Variants in ZFHX3 observed in about 807,000 individuals in gnomAD.
The protein encoded by ZFHX3 is zinc finger homeobox 3.
In ZFHX3, 42 loss-of-function variants were observed where a neutral mutation model predicts 279.1. The observed-to-expected ratio is 0.15, with a 90% CI of 0.12 to 0.19. The LOEUF (loss-of-function observed/expected upper bound fraction) is 0.19, where lower values mean the gene tolerates loss of function less well. ZFHX3 is among the 10% of genes least tolerant of loss of function. The pLI, the probability that ZFHX3 is intolerant of heterozygous loss-of-function variation, is 1.00. For missense variants in ZFHX3, 4,981 were observed against 4,754.0 expected (o/e 1.05, Z -1.40); for synonymous variants, 2,293 against 1,957.8 (o/e 1.17, Z -4.52).
chr16:73,235,872 T>C (rs1424814856), intron 5 of ZFHX3, among the ~76,000 whole-genome samples: 1 of 152,110 alleles, frequency 6.6e-6, no homozygotes, highest in Non-Finnish European at 1.5e-5. Context: ...GGTTTCACCA[T>C]GTTGCCCAGG....
chr16:73,456,115 G>C (rs1012471116), exon 3 of ZFHX3: 1 of 152,118 alleles, frequency 6.6e-6, no homozygotes, highest in Middle Eastern at 3.4e-3. Flanking sequence ...CGGGGCCAGC[G>C]GGCAGCAGAG....
chr16:73,049,333 C>G (rs1469843388), upstream of ZFHX3, among the ~76,000 whole-genome samples: 1 of 152,132 alleles, frequency 6.6e-6, no homozygotes, highest in Non-Finnish European at 1.5e-5. Flanking sequence ...TCCTCGGGCA[C>G]AATAATGAAC....
At chr16:72,892,226 G>T (rs777176007) in intron 3 of ZFHX3, among the ~76,000 whole-genome samples, 4 of 152,186 alleles carry the variant, frequency 2.6e-5, no homozygotes, top group Non-Finnish European at 5.9e-5. Context: ...AGCCCTCAAT[G>T]ACATAAACTG....
At chr16:73,317,525 G>A (rs1405495578) in intron 4 of ZFHX3, among the ~76,000 whole-genome samples, 1 of 152,118 alleles carries the variant, frequency 6.6e-6, no homozygotes, top group Non-Finnish European at 1.5e-5. Flanking sequence ...AGAGAAAATA[G>A]CATAATTATA....
At chr16:73,642,187 T>A (rs1042474971) in intron 2 of ZFHX3, among the ~76,000 whole-genome samples, 2 of 152,202 alleles carry the variant, frequency 1.3e-5, no homozygotes, top group African/African-American at 4.8e-5. Flanking sequence ...GAACTCTTTT[T>A]CTTTTACTCA....
intron 2 of ZFHX3, among the ~76,000 whole-genome samples, chr16:73,486,343 C>T (rs979080138): frequency 2.0e-5 from 3 of 152,248 alleles, no homozygotes; most frequent in Non-Finnish European, 4.4e-5. Context: ...TAATGGGGCT[C>T]TTGAGCCCCT....
intron 1 of ZFHX3, among the ~76,000 whole-genome samples, chr16:72,972,325 G>C (rs1366977583): frequency 2.0e-5 from 3 of 152,134 alleles, no homozygotes; most frequent in African/African-American, 7.2e-5. Context: ...CTCCTGGACA[G>C]GAGAGAGTCT....
chr16:73,333,634 A>G (rs1270987191), intron 3 of ZFHX3, among the ~76,000 whole-genome samples: 6 of 152,014 alleles, frequency 3.9e-5, no homozygotes, highest in Admixed American at 3.9e-4. Context: ...TGGGGTAGTC[A>G]GAAAGCATTT....
At chr16:73,790,485 A>G (rs1462463266) in intron 1 of ZFHX3, among the ~76,000 whole-genome samples, 1 of 152,222 alleles carries the variant, frequency 6.6e-6, no homozygotes, top group Non-Finnish European at 1.5e-5. Context: ...ACTGAGAGCT[A>G]AGCAATTTCA....
intron 2 of ZFHX3, among the ~76,000 whole-genome samples, chr16:73,501,464 G>A (rs961163875): frequency 2.6e-5 from 4 of 152,130 alleles, no homozygotes; most frequent in African/African-American, 9.7e-5. Context: ...CCCTTATTCT[G>A]GAACTTTTAA....
At chr16:73,433,440 C>A (rs896514945) in intron 3 of ZFHX3, among the ~76,000 whole-genome samples, 1 of 152,168 alleles carries the variant, frequency 6.6e-6, no homozygotes, top group Non-Finnish European at 1.5e-5. Context: ...ACAGCACCCC[C>A]TCCTCAGCAA....
intron 1 of ZFHX3, among the ~76,000 whole-genome samples, chr16:73,695,159 GC>G (rs2053185621): frequency 1.3e-5 from 2 of 152,150 alleles, no homozygotes; most frequent in East Asian, 3.9e-4. Flanking sequence ...TTTTTCAAGA[GC>G]CCTTTTAGCC....
chr16:72,986,464 A>G (rs1962848158), intron 1 of ZFHX3, among the ~76,000 whole-genome samples: 1 of 152,220 alleles, frequency 6.6e-6, no homozygotes, highest in Non-Finnish European at 1.5e-5. Context: ...TGCTGATTGT[A>G]GAATGCATTT....
intron 2 of ZFHX3, among the ~76,000 whole-genome samples, chr16:73,584,022 A>C (rs1046912943): frequency 6.6e-6 from 1 of 152,260 alleles, no homozygotes; most frequent in African/African-American, 2.4e-5. Flanking sequence ...TTGAATTCTA[A>C]AATCTCAAAA....
At chr16:73,356,244 T>A (rs1273041143) in intron 3 of ZFHX3, among the ~76,000 whole-genome samples, 1 of 152,140 alleles carries the variant, frequency 6.6e-6, no homozygotes, top group Non-Finnish European at 1.5e-5. Context: ...AGGACCTAAT[T>A]GATTGCTTTT....
chr16:73,092,056 G>C (rs893541588), intron 8 of ZFHX3, among the ~76,000 whole-genome samples: 3 of 152,198 alleles, frequency 2.0e-5, no homozygotes, highest in African/African-American at 7.2e-5. Flanking sequence ...ACGAATGTTT[G>C]AGCTCGAAGA....
At chr16:73,467,445 G>A (rs1230097996) in intron 2 of ZFHX3, among the ~76,000 whole-genome samples, 1 of 152,176 alleles carries the variant, frequency 6.6e-6, no homozygotes, top group Non-Finnish European at 1.5e-5. Flanking sequence ...AAACAAAGAA[G>A]AAAGTGTAGA....
intron 1 of ZFHX3, among the ~76,000 whole-genome samples, chr16:73,789,950 C>T (rs1959772385): frequency 6.6e-6 from 1 of 152,106 alleles, no homozygotes; most frequent in African/African-American, 2.4e-5. Context: ...GCCGTTCTGC[C>T]TCATTTATTA....
intron 3 of ZFHX3, among the ~76,000 whole-genome samples, chr16:73,437,446 T>C (rs2143528525): frequency 6.6e-6 from 1 of 152,196 alleles, no homozygotes. Context: ...GTTATTGTGG[T>C]GGGAAATTGA....
Sources: allele counts gnomAD v4.1 joint callset (sites outside exome capture counted in the v4.1 genomes callset), GRCh38; gene constraint gnomAD v4.1.1; transcripts MANE v1.5; gene names NCBI Gene and HGNC (gene_info 2026-07-23, HGNC 2026-07-21).